Variants in KLHL2 observed in about 807,000 individuals in gnomAD.
KLHL2 encodes kelch-like protein 2.
In KLHL2, 15 loss-of-function variants were observed where a neutral mutation model predicts 75.8. That is an observed-to-expected ratio of 0.20 (90% CI 0.13 to 0.30). The LOEUF is 0.30. Among genes scored for constraint, KLHL2 ranks in the 10% least tolerant of loss-of-function variants. The pLI is 1.00. For missense variants in KLHL2, 381 were observed against 741.0 expected, an observed-to-expected ratio of 0.51 and a Z score of 5.64; for synonymous variants, 214 against 251.9, an observed-to-expected ratio of 0.85 and a Z score of 1.42.
intron 5 of KLHL2, chr4:165,278,344 A>C: frequency 8.6e-7 from 1 of 1,162,020 alleles, no homozygotes; most frequent in Non-Finnish European, 1.3e-6. Flanking sequence ...GTAGCTGCAT[A>C]AGAATTTTGT....
Position 165,314,318 on chromosome 4 carries a change from T to G in KLHL2, c.1609+152T>G, listed in dbSNP as rs1046899818. ...CTCTGAACTCTTTAAAGCCAGAAAC[T>G]TATGTAATAATCCTATAAAGTGAAT... On this transcript the variant is annotated intron_variant, in intron 13 of 14. Transcript: ENST00000226725. 3 of 659,914 alleles carry G rather than the reference T, an allele frequency of 4.5e-6. No homozygotes were observed. The African/African-American group carries it at 5.6e-5, about 12-fold the overall frequency. The allele number at this position is 659,914 out of a possible 1,614,324, so 40.9% of individuals were successfully genotyped here.
At chr4:165,314,252 T>A in intron 13 of KLHL2, 86 bp downstream of exon 13, 1 of 1,239,292 alleles carries the variant, frequency 8.1e-7, no homozygotes. Context: ...ATATCAATGG[T>A]ATTTCCATTG....
At chr4:165,232,878 CTTTTTTTTTTTTTTT>C (rs912954260) in intron 3 of KLHL2, among the ~76,000 whole-genome samples, 1 of 52,570 alleles carries the variant, frequency 1.9e-5, no homozygotes, top group Admixed American at 2.5e-4. Context: ...CCCTGTTAAG[CTTTTTTTTTTTTTTT>C]TTTTTTTTTT....
chr4:165,253,906 T>G (rs1451964325), intron 4 of KLHL2, among the ~76,000 whole-genome samples: 2 of 152,236 alleles, frequency 1.3e-5, no homozygotes, highest in African/African-American at 4.8e-5. Flanking sequence ...TTATTACAGT[T>G]TAGCATGTTA....
At chr4:165,288,334 AC>A (rs1744238988) in intron 5 of KLHL2, among the ~76,000 whole-genome samples, 1 of 152,038 alleles carries the variant, frequency 6.6e-6, no homozygotes, top group Non-Finnish European at 1.5e-5. Flanking sequence ...AAATATTTGA[AC>A]GGTATACATT....
intron 5 of KLHL2, among the ~76,000 whole-genome samples, chr4:165,286,776 A>G (rs976664676): frequency 6.6e-6 from 1 of 152,230 alleles, no homozygotes; most frequent in Non-Finnish European, 1.5e-5. Flanking sequence ...GACAGCAGCC[A>G]AACATAGGGA....
At chr4:165,244,123 T>C (rs1010809879) in intron 4 of KLHL2, among the ~76,000 whole-genome samples, 2 of 152,212 alleles carry the variant, frequency 1.3e-5, no homozygotes, top group South Asian at 2.1e-4. Flanking sequence ...CTATGAATTA[T>C]ACAGTTTCTC....
chr4:165,214,791 T>C (rs371483325), intron 1 of KLHL2, among the ~76,000 whole-genome samples: 38 of 152,326 alleles, frequency 2.5e-4, no homozygotes, highest in East Asian at 2.3e-3. Context: ...TTTTCAGCTC[T>C]GGAAAATTGG....
rs1741913848 is a variant in KLHL2 at position 165,263,804 on chromosome 4, T to TG, written c.544+446dup. On this transcript the variant is annotated intron_variant, in intron 5 of 14. Transcript: ENST00000226725. Reference sequence around the variant, plus strand: ...TTATTTTAGCTCTGATTTTTTACATTGTTTTTTTTTTTTTTTTTTTTTTTT... The same window carrying TG: ...TTATTTTAGCTCTGATTTTTTACATTGGTTTTTTTTTTTTTTTTTTTTTTTT... 1.2e-4 allele frequency among the ~76,000 whole-genome samples: 10 copies of TG among 84,188 alleles called. No individual in the cohort carries two copies. In the South Asian group the frequency reaches 3.6e-3, roughly 30 times the overall value. The allele number at this position is 84,188 out of a possible 152,430, so 55.2% of individuals were successfully genotyped here.
chr4:165,285,978 T>C lies in KLHL2; in HGVS notation c.545-8381T>C, dbSNP rs62353292. ...GGAGAGCCAGCAGTGAAGTGCAGTA[T>C]CAATTTAAAGGTTCTCAGATTGGGC... On this transcript the variant is annotated intron_variant, in intron 5 of 14. Transcript: ENST00000226725. Among the ~76,000 whole-genome samples, 1,299 of 152,242 alleles carry C rather than the reference T, an allele frequency of 8.5e-3. 10 individuals are homozygous for C. The highest frequency in any genetic ancestry group is 0.017 in the Middle Eastern group (5 of 294).
intron 4 of KLHL2, among the ~76,000 whole-genome samples, chr4:165,250,955 T>C (rs1192982668): frequency 6.6e-6 from 1 of 152,210 alleles, no homozygotes; most frequent in African/African-American, 2.4e-5. Flanking sequence ...TAGAATCACC[T>C]GTTCCATTGG....
intron 5 of KLHL2, among the ~76,000 whole-genome samples, chr4:165,264,707 T>TGC (rs1742038509): frequency 1.4e-5 from 1 of 70,026 alleles, no homozygotes; most frequent in Non-Finnish European, 2.8e-5. Flanking sequence ...TGTGTGTGTA[T>TGC]ATATATATAT....
chr4:165,225,420 T>C (rs886993106), intron 2 of KLHL2, among the ~76,000 whole-genome samples: 1 of 152,214 alleles, frequency 6.6e-6, no homozygotes, highest in South Asian at 2.1e-4. Context: ...CAGTCCTTGA[T>C]AAGTGAATGA....
intron 5 of KLHL2, among the ~76,000 whole-genome samples, chr4:165,268,750 GA>G (rs1193767100): frequency 6.6e-6 from 1 of 152,190 alleles, no homozygotes; most frequent in African/African-American, 2.4e-5. Flanking sequence ...GTCAATTTTA[GA>G]ATAAGTGCAA....
rs7689520 is a variant in KLHL2 at position 165,269,765 on chromosome 4, C to G, written c.544+6406C>G. On this transcript the variant is annotated intron_variant, in intron 5 of 14. Transcript: ENST00000226725. Reference sequence around the variant, plus strand: ...TTAACATTTTTTCCTTCATTTCAACCTTGGTGAATCTGACAATTATGTGTC... The same window carrying G: ...TTAACATTTTTTCCTTCATTTCAACGTTGGTGAATCTGACAATTATGTGTC... Among the ~76,000 whole-genome samples the G allele has an allele frequency of 9.7e-3, 1,467 of 151,826 alleles. 22 individuals carry two copies. The highest frequency in any genetic ancestry group is 0.032 in the African/African-American group (1,309 of 41,428).
At chr4:165,294,933 A>G (rs1208999355) in intron 6 of KLHL2, among the ~76,000 whole-genome samples, 3 of 152,160 alleles carry the variant, frequency 2.0e-5, no homozygotes, top group Non-Finnish European at 4.4e-5. Flanking sequence ...TCTAGACTGA[A>G]CATTCTTGAT....
At chr4:165,275,519 A>G (rs1743013736) in intron 5 of KLHL2, among the ~76,000 whole-genome samples, 1 of 152,232 alleles carries the variant, frequency 6.6e-6, no homozygotes, top group South Asian at 2.1e-4. Flanking sequence ...AGTCATTCCT[A>G]TACCTCACCA....
intron 5 of KLHL2, among the ~76,000 whole-genome samples, chr4:165,289,495 T>A (rs1446779772): frequency 6.6e-6 from 1 of 150,506 alleles, no homozygotes; most frequent in Non-Finnish European, 1.5e-5. Context: ...TCCTTTAGGC[T>A]AATTTTTGGT....
intron 5 of KLHL2, among the ~76,000 whole-genome samples, chr4:165,266,568 A>T (rs1742258329): frequency 6.6e-6 from 1 of 152,160 alleles, no homozygotes; most frequent in Admixed American, 6.5e-5. Context: ...ACCATTTATT[A>T]AATAGGGAGT....
Sources: allele counts gnomAD v4.1 joint callset (sites outside exome capture counted in the v4.1 genomes callset), GRCh38; gene constraint gnomAD v4.1.1; transcripts MANE v1.5; gene names NCBI Gene and HGNC (gene_info 2026-07-23, HGNC 2026-07-21).